The following BMPR1B variants were observed in gnomAD, a reference collection of about 807,000 sequenced individuals.
BMPR1B encodes the protein bone morphogenetic protein receptor type-1B.
In BMPR1B, 12 loss-of-function variants were observed where a neutral mutation model predicts 59.1. The observed-to-expected ratio is 0.20, with a 90% confidence interval of 0.13 to 0.33. The LOEUF is 0.33. Ranked by LOEUF, BMPR1B falls within the 10% of genes least tolerant of loss-of-function variation. BMPR1B has a pLI of 1.00. For missense variants in BMPR1B, 550 were observed against 610.9 expected, an observed-to-expected ratio of 0.90 and a Z score of 1.05; for synonymous variants, 237 against 207.3, an observed-to-expected ratio of 1.14 and a Z score of -1.23.
chr4:95,155,840 G>T lies in BMPR1B; in HGVS notation c.*1167G>T, dbSNP rs1278240385. The T allele has an allele frequency of 6.6e-6, 1 of 152,084 alleles. No homozygotes were observed. The highest frequency in any genetic ancestry group is 2.4e-5 in the African/African-American group (1 of 41,380). 9.4% of individuals were successfully genotyped at this position (152,084 alleles called of 1,614,324 possible). A position where few individuals can be genotyped will look rare whatever the true frequency, so the allele number is the denominator to read the frequency against. On this transcript the variant is annotated 3_prime_UTR_variant, in exon 13 of 13. Coordinates refer to ENST00000515059, the MANE Select transcript of BMPR1B (RefSeq NM_001203.3). ...AGGGATAGAGAGGAAACATCCGTCA[G>T]GCTAATTTAACTACATTTTATTTTA...
At chr4:94,995,115 C>T (rs1721978870) in intron 2 of BMPR1B, among the ~76,000 whole-genome samples, 2 of 152,030 alleles carry the variant, frequency 1.3e-5, no homozygotes, top group African/African-American at 4.8e-5. Flanking sequence ...TACTGTGGAC[C>T]TTATAGGTGG....
intron 11 of BMPR1B, among the ~76,000 whole-genome samples, chr4:95,150,157 T>C (rs1326395739): frequency 6.6e-6 from 1 of 152,178 alleles, no homozygotes; most frequent in East Asian, 1.9e-4. Flanking sequence ...TTTTAAGAAA[T>C]TTGAAATAGA....
At chr4:95,142,813 CTTT>C (rs11385949) in intron 10 of BMPR1B, among the ~76,000 whole-genome samples, 3 of 140,684 alleles carry the variant, frequency 2.1e-5, no homozygotes, top group African/African-American at 2.7e-5. Context: ...AGTTGGGGCT[CTTT>C]TTTTTTTTTT....
chr4:94,854,828 G>A (rs1725696270), intron 1 of BMPR1B, among the ~76,000 whole-genome samples: 1 of 152,148 alleles, frequency 6.6e-6, no homozygotes, highest in Admixed American at 6.6e-5. Flanking sequence ...CTCTTTATGT[G>A]ATCCCCTTGA....
chr4:95,010,946 A>G (rs947052298), intron 3 of BMPR1B, among the ~76,000 whole-genome samples: 1 of 152,190 alleles, frequency 6.6e-6, no homozygotes, highest in African/African-American at 2.4e-5. Flanking sequence ...TTGCATTTGG[A>G]TGGAAGTAAA....
intron 2 of BMPR1B, among the ~76,000 whole-genome samples, chr4:94,955,375 T>A (rs770882296): frequency 6.6e-6 from 1 of 152,188 alleles, no homozygotes; most frequent in Non-Finnish European, 1.5e-5. Context: ...AAATCTAGGA[T>A]GTGTAGTCAG....
In BMPR1B at chr4:94,856,027, A is replaced by G. The variant is rs532161559; in HGVS notation, c.-182-19804A>G. Reference sequence around the variant, plus strand: ...TCTGCTAAAAGACCAGTGAAGGCCCAGGGGGAATACAACAACAAAAAAGAC... The same window carrying G: ...TCTGCTAAAAGACCAGTGAAGGCCCGGGGGGAATACAACAACAAAAAAGAC... On this transcript the variant is annotated intron_variant, in intron 1 of 12. Transcript: ENST00000515059. Among the ~76,000 whole-genome samples, 3 of 152,320 alleles carry G rather than the reference A, an allele frequency of 2.0e-5. No homozygotes were observed. The East Asian group carries it at 5.8e-4, about 29-fold the overall frequency.
At chr4:94,940,464 G>A (rs6842585) in intron 2 of BMPR1B, among the ~76,000 whole-genome samples, 31,453 of 151,958 alleles carry the variant, frequency 0.21, 3,559 homozygotes, top group East Asian at 0.42. Flanking sequence ...CAGTCCTTGG[G>A]GATTAAAATT....
In BMPR1B at chr4:95,155,875, A is replaced by G. The variant is rs1553946450; in HGVS notation, c.*1202A>G. On this transcript the variant is annotated 3_prime_UTR_variant, in exon 13 of 13. Coordinates refer to ENST00000515059, the MANE Select transcript of BMPR1B (RefSeq NM_001203.3). ...ACTACATTTTATTTTAAAAATAGAG[A>G]AACATAACCTCTAGATGGGACAGCA... 6.6e-6 allele frequency: 1 copy of G among 152,150 alleles called. No homozygotes were observed. Among genetic ancestry groups the G allele is most frequent in the Non-Finnish European group, 1.5e-5 (1 of 68,028 alleles). The allele number at this position is 152,150 out of a possible 1,614,324, so 9.4% of individuals were successfully genotyped here.
chr4:94,929,482 T>A (rs906365262), intron 2 of BMPR1B, among the ~76,000 whole-genome samples: 2 of 152,086 alleles, frequency 1.3e-5, no homozygotes, highest in Admixed American at 6.6e-5. Context: ...GTCCTTTTGG[T>A]GTATCTCAGG....
chr4:94,890,983 A>C (rs1727370131), intron 2 of BMPR1B, among the ~76,000 whole-genome samples: 1 of 152,068 alleles, frequency 6.6e-6, no homozygotes. Flanking sequence ...GTGCCCCTAA[A>C]ACTTAATTTA....
intron 3 of BMPR1B, among the ~76,000 whole-genome samples, chr4:95,052,250 T>C (rs1213388848): frequency 6.6e-6 from 1 of 152,218 alleles, no homozygotes; most frequent in African/African-American, 2.4e-5. Flanking sequence ...AGTTTGTGAC[T>C]ATGTCAAATG....
At chr4:94,760,969 T>A (rs2110554741) in intron 1 of BMPR1B, among the ~76,000 whole-genome samples, 1 of 152,308 alleles carries the variant, frequency 6.6e-6, no homozygotes, top group African/African-American at 2.4e-5. Flanking sequence ...ATTAATAATA[T>A]TAAAGATGAA....
At chr4:94,791,609 TACTC>T (rs1311890485) in intron 1 of BMPR1B, among the ~76,000 whole-genome samples, 4 of 152,320 alleles carry the variant, frequency 2.6e-5, no homozygotes, top group South Asian at 2.1e-4. Flanking sequence ...TATGGATTGA[TACTC>T]AGGCAAATAA....
chr4:95,076,599 G>A (rs76277077), intron 3 of BMPR1B, among the ~76,000 whole-genome samples: 1 of 152,042 alleles, frequency 6.6e-6, no homozygotes, highest in African/African-American at 2.4e-5. Context: ...GGAAATGAAA[G>A]TTCATGGAGG....
At chr4:95,005,616 C>T (rs1238285201) in intron 3 of BMPR1B, among the ~76,000 whole-genome samples, 4 of 152,142 alleles carry the variant, frequency 2.6e-5, no homozygotes, top group African/African-American at 4.8e-5. Flanking sequence ...TTCTTCCCGG[C>T]TCCTTCCTTT....
intron 2 of BMPR1B, among the ~76,000 whole-genome samples, chr4:94,951,827 G>A (rs934519263): frequency 7.2e-5 from 11 of 152,266 alleles, no homozygotes; most frequent in Admixed American, 2.0e-4. Flanking sequence ...GTTTCAGAAG[G>A]AATGGTACCA....
At chr4:94,961,117 G>A (rs1730335847) in intron 2 of BMPR1B, among the ~76,000 whole-genome samples, 1 of 152,104 alleles carries the variant, frequency 6.6e-6, no homozygotes, top group African/African-American at 2.4e-5. Context: ...GTTTAGCACT[G>A]CTTTTTTAGG....
At chr4:94,814,917 T>G (rs895562640) in intron 1 of BMPR1B, among the ~76,000 whole-genome samples, 19 of 152,196 alleles carry the variant, frequency 1.2e-4, no homozygotes, top group African/African-American at 4.6e-4. Flanking sequence ...TTTATTTTTT[T>G]TTTGAGAAGG....
Sources: gnomAD v4.1 joint callset for allele counts (sites outside exome capture counted in the v4.1 genomes callset) on GRCh38, gnomAD v4.1.1 for gene constraint, MANE v1.5 for transcripts, NCBI Gene and HGNC (gene_info 2026-07-23, HGNC 2026-07-21) for gene names.